ASXL3: variants seen among roughly 807,000 people sequenced by gnomAD.
ASXL3 encodes putative Polycomb group protein ASXL3.
ASXL3 carries 34 observed loss-of-function variants against 170.6 expected under a neutral mutation model. The observed-to-expected ratio is 0.20, with a 90% confidence interval of 0.15 to 0.27. The LOEUF (loss-of-function observed/expected upper bound fraction) is 0.27. Ranked by LOEUF, ASXL3 falls within the 10% of genes least tolerant of loss-of-function variation. The pLI is 1.00. For synonymous variants in ASXL3, 1,002 were observed against 989.1 expected, an observed-to-expected ratio of 1.01 and a Z score of -0.24; for missense variants, 2,592 against 2,695.3, an observed-to-expected ratio of 0.96 and a Z score of 0.85.
chr18:33,634,636 G>A (rs1209504859), intron 2 of ASXL3, among the ~76,000 whole-genome samples: 1 of 152,012 alleles, frequency 6.6e-6, no homozygotes, highest in African/African-American at 2.4e-5. Context: ...TTTAAAAACT[G>A]GATCTTGCCA....
At chr18:33,583,193 C>A (rs1461206857) in intron 1 of ASXL3, among the ~76,000 whole-genome samples, 1 of 152,014 alleles carries the variant, frequency 6.6e-6, no homozygotes, top group Non-Finnish European at 1.5e-5. Context: ...GGCGTGTGTA[C>A]TGCCTTTGAC....
At chr18:33,584,669 C>G (rs1396986230) in intron 1 of ASXL3, among the ~76,000 whole-genome samples, 2 of 152,004 alleles carry the variant, frequency 1.3e-5, no homozygotes, top group African/African-American at 2.4e-5. Context: ...TTGTATAAGA[C>G]TTACATAGAG....
chr18:33,585,609 A>G (rs1012831105), intron 1 of ASXL3, among the ~76,000 whole-genome samples: 3 of 152,190 alleles, frequency 2.0e-5, no homozygotes, highest in Non-Finnish European at 2.9e-5. Context: ...GCCCTCTGAC[A>G]CATTCTTACG....
chr18:33,603,687 G>A (rs1040207994), intron 1 of ASXL3, among the ~76,000 whole-genome samples: 1 of 152,006 alleles, frequency 6.6e-6, no homozygotes, highest in African/African-American at 2.4e-5. Context: ...CGTTTGTGGA[G>A]AGCAATGTTG....
At chr18:33,579,835 C>G (rs77280338) in intron 1 of ASXL3, among the ~76,000 whole-genome samples, 7,084 of 152,032 alleles carry the variant, frequency 0.047, 257 homozygotes, top group Non-Finnish European at 0.067. Flanking sequence ...GAGGGGGGAG[C>G]AGGACGTGTT....
At chr18:33,729,284 G>A (rs1281064221) in intron 8 of ASXL3, among the ~76,000 whole-genome samples, 1 of 152,172 alleles carries the variant, frequency 6.6e-6, no homozygotes, top group Admixed American at 6.5e-5. Context: ...GACAGCAGGA[G>A]AGTGAAGCAT....
chr18:33,591,703 G>A (rs554642267), intron 1 of ASXL3, among the ~76,000 whole-genome samples: 16 of 150,704 alleles, frequency 1.1e-4, no homozygotes, highest in East Asian at 7.8e-4. Context: ...GTGCAGTGGC[G>A]CGATCTCGGC....
chr18:33,634,302 A>C (rs1267590386), intron 2 of ASXL3, among the ~76,000 whole-genome samples: 1 of 151,740 alleles, frequency 6.6e-6, no homozygotes, highest in Non-Finnish European at 1.5e-5. Context: ...GCTGGAATTA[A>C]CAGTTGTGGA....
intron 9 of ASXL3, among the ~76,000 whole-genome samples, chr18:33,733,747 C>CA (rs753097013): frequency 6.6e-6 from 1 of 152,160 alleles, no homozygotes; most frequent in Admixed American, 6.5e-5. Context: ...ATTGGCCACT[C>CA]AAAAGATCAT....
At chr18:33,722,455 G>T (rs932070751) in intron 8 of ASXL3, among the ~76,000 whole-genome samples, 1 of 152,122 alleles carries the variant, frequency 6.6e-6, no homozygotes, top group Non-Finnish European at 1.5e-5. Context: ...AGTTTTAGTG[G>T]TCTGGCTAGA....
In ASXL3 at chr18:33,660,419, C is replaced by T. The variant is rs539441925; in HGVS notation, c.356-1197C>T. Among the ~76,000 whole-genome samples, 3 of 152,236 alleles carry T rather than the reference C, an allele frequency of 2.0e-5. No individual in the cohort carries two copies. In the South Asian group the frequency reaches 6.2e-4, roughly 32 times the overall value. ...AGGTGTGCTTGAGTCTATCAGAAGC[C>T]ACTTGAGTGTTCTCAAGGTGCATAT... On this transcript the variant is annotated intron_variant, in intron 4 of 11. Coordinates refer to ENST00000269197, the MANE Select transcript of ASXL3 (RefSeq NM_030632.3).
At chr18:33,597,858 TA>T (rs2065144670) in intron 1 of ASXL3, among the ~76,000 whole-genome samples, 1 of 152,016 alleles carries the variant, frequency 6.6e-6, no homozygotes. Context: ...ATTGTGAAAT[TA>T]AATGTCTTAA....
At position 33,713,236 on chromosome 18, in the gene ASXL3, TTGTTTTGTTTTG is replaced by T. The variant is rs1377931590; in HGVS notation, c.880-18730_880-18719del. Among the ~76,000 whole-genome samples, 53 of 60,776 alleles carry T rather than the reference TTGTTTTGTTTTG, an allele frequency of 8.7e-4. 10 individuals carry two copies. In the East Asian group the frequency reaches 0.01, roughly 12 times the overall value. The allele number at this position is 60,776 out of a possible 152,430, so 39.9% of individuals were successfully genotyped here. ...GCAATCTACCACAAGAAGGTTTTTT[TTGTTTTGTTTTG>T]TTTTTTTTTTTTTTTTTTTTTTTTT... On this transcript the variant is annotated intron_variant, in intron 8 of 11. Transcript: ENST00000269197.
At chr18:33,579,753 A>G (rs2064977359) in intron 1 of ASXL3, among the ~76,000 whole-genome samples, 1 of 151,962 alleles carries the variant, frequency 6.6e-6, no homozygotes. Context: ...TAAATTAAAC[A>G]TTTATTCGCC....
Position 33,744,751 on chromosome 18 carries a change from G to A in ASXL3, c.4903G>A (p.Glu1635Lys), listed in dbSNP as rs374516521. The change falls in exon 12 of 12, where the codon GAG (glutamate) becomes AAG (lysine). Residue 1635 changes from glutamate (E) to lysine (K), a missense_variant. Glu to Lys is a moderately conservative substitution (Grantham distance 56). Transcript: ENST00000269197. ...TTCAAGTAAACAAAAAGAATATCTA[G>A]AGCAAAGCTGTCCAAAGGCTATCAA... ...SGSSKQKEYL[E>K]QSCPKAIKTE... The A allele has an allele frequency of 3.7e-6, 6 of 1,614,016 alleles. No homozygotes were observed. Among genetic ancestry groups the A allele is most frequent in the South Asian group, 3.3e-5 (3 of 91,080 alleles).
intron 2 of ASXL3, among the ~76,000 whole-genome samples, chr18:33,610,711 CAA>C (rs906168014): frequency 1.3e-5 from 2 of 152,072 alleles, no homozygotes; most frequent in African/African-American, 4.8e-5. Context: ...TCTTCATTCT[CAA>C]GACGTTAATT....
chr18:33,633,448 T>C (rs2065712291), intron 2 of ASXL3, among the ~76,000 whole-genome samples: 1 of 152,216 alleles, frequency 6.6e-6, no homozygotes, highest in Non-Finnish European at 1.5e-5. Context: ...ATAATTAAAC[T>C]AATTTGCATT....
intron 1 of ASXL3, among the ~76,000 whole-genome samples, chr18:33,597,521 C>T (rs548137408): frequency 6.6e-6 from 1 of 152,184 alleles, no homozygotes; most frequent in East Asian, 1.9e-4. Context: ...ATTGTACATG[C>T]AGGATAGGCT....
At chr18:33,702,253 C>T (rs970312550) in intron 8 of ASXL3, among the ~76,000 whole-genome samples, 1 of 152,018 alleles carries the variant, frequency 6.6e-6, no homozygotes, top group Non-Finnish European at 1.5e-5. Context: ...GACTGTCATT[C>T]TTTCCAGTTT....
Sources: gnomAD v4.1 joint callset for allele counts (sites outside exome capture counted in the v4.1 genomes callset) on GRCh38, gnomAD v4.1.1 for gene constraint, MANE v1.5 for transcripts, NCBI Gene and HGNC (gene_info 2026-07-23, HGNC 2026-07-21) for gene names.